Variants in STAC observed in about 807,000 individuals in gnomAD.
STAC encodes SH3 and cysteine-rich domain-containing protein.
In STAC, 43 loss-of-function variants were observed where a neutral mutation model predicts 48.8. That is an observed-to-expected ratio of 0.88 (90% CI 0.69 to 1.14). The LOEUF (loss-of-function observed/expected upper bound fraction) is 1.14, where lower values mean the gene tolerates loss of function less well. Among genes scored for constraint, STAC ranks in the 50% most tolerant of loss-of-function variants. The probability of loss-of-function intolerance (pLI) is 0.00; values close to 1 mark genes in which losing one functional copy is unlikely to be tolerated. For missense variants in STAC, 497 were observed against 504.0 expected (o/e 0.99, Z 0.13); for synonymous variants, 193 against 179.5 (o/e 1.07, Z -0.60).
chr3:36,478,164 C>A (rs1264721750), intron 2 of STAC, among the ~76,000 whole-genome samples: 1 of 152,190 alleles, frequency 6.6e-6, no homozygotes, highest in Non-Finnish European at 1.5e-5. Flanking sequence ...ACATCTCCAG[C>A]AACACCCTTT....
intron 2 of STAC, among the ~76,000 whole-genome samples, chr3:36,452,386 G>A (rs1164444914): frequency 6.6e-6 from 1 of 152,178 alleles, no homozygotes; most frequent in African/African-American, 2.4e-5. Context: ...AAGGGGTAAA[G>A]GAGACAGGTT....
At chr3:36,506,167 C>T (rs111388302) in intron 8 of STAC, 308 of 179,756 alleles carry the variant, frequency 1.7e-3, no homozygotes, top group African/African-American at 6.5e-3. Flanking sequence ...GAAGGTTGAA[C>T]GTTAAATGCA....
At chr3:36,470,571 ACATCAGCTTT>A in intron 2 of STAC, among the ~76,000 whole-genome samples, 1 of 152,232 alleles carries the variant, frequency 6.6e-6, no homozygotes, top group Non-Finnish European at 1.5e-5. Flanking sequence ...CTTCAAGAGC[ACATCAGCTTT>A]CATCAGTTTT....
intron 1 of STAC, among the ~76,000 whole-genome samples, chr3:36,385,563 T>A (rs1699598657): frequency 1.4e-5 from 2 of 144,112 alleles, no homozygotes; most frequent in Non-Finnish European, 3.1e-5. Flanking sequence ...TATAGCTTGA[T>A]GAATTTTCAA....
chr3:36,380,737 A>C lies in STAC; in HGVS notation c.94A>C (p.Ser32Arg). 1 of 1,611,466 alleles carries C rather than the reference A, an allele frequency of 6.2e-7. No individual in the cohort carries two copies. The highest frequency in any genetic ancestry group is 1.7e-5 in the Admixed American group (1 of 59,870). The change falls in exon 1 of 11, where the codon AGC becomes CGC. Residue 32 changes from serine (S) to arginine (R), a missense_variant. Coordinates refer to ENST00000273183, the MANE Select transcript of STAC (RefSeq NM_003149.3). Reference protein sequence around the residue: ...AEQPPSPASTSSQESKLQKLK... With the variant: ...AEQPPSPASTRSQESKLQKLK... The stretch of plus-strand genomic sequence containing the variant: ...GCAACCGCCCTCTCCTGCATCCACC[A>C]GCAGCCAGGAATCCAAGGTACCGAG...
chr3:36,530,652 A>C (rs1699043761), intron 10 of STAC, among the ~76,000 whole-genome samples: 2 of 126,350 alleles, frequency 1.6e-5, no homozygotes, highest in Non-Finnish European at 3.1e-5. Flanking sequence ...CTGGAGTGCA[A>C]TGGCACAATC....
intron 2 of STAC, among the ~76,000 whole-genome samples, chr3:36,449,699 A>G (rs1229965530): frequency 1.3e-5 from 2 of 152,238 alleles, no homozygotes; most frequent in East Asian, 3.9e-4. Flanking sequence ...TCCAGCAAAG[A>G]TTGAGCAAAA....
At chr3:36,426,760 T>C (rs1700574181) in intron 1 of STAC, among the ~76,000 whole-genome samples, 1 of 152,222 alleles carries the variant, frequency 6.6e-6, no homozygotes, top group Admixed American at 6.5e-5. Context: ...CACTAGTTTA[T>C]TAAGTGGGCT....
chr3:36,394,109 T>A (rs1226635056), intron 1 of STAC, among the ~76,000 whole-genome samples: 1 of 152,090 alleles, frequency 6.6e-6, no homozygotes, highest in Non-Finnish European at 1.5e-5. Flanking sequence ...TACAGACACC[T>A]AAACTCACCT....
intron 10 of STAC, among the ~76,000 whole-genome samples, chr3:36,545,812 T>C (rs1699431365): frequency 6.6e-6 from 1 of 152,182 alleles, no homozygotes; most frequent in Non-Finnish European, 1.5e-5. Flanking sequence ...AGCTATTATT[T>C]TGGTCCTTTA....
chr3:36,437,675 C>T (rs1313137866), intron 1 of STAC, among the ~76,000 whole-genome samples: 3 of 148,756 alleles, frequency 2.0e-5, no homozygotes, highest in East Asian at 4.0e-4. Flanking sequence ...ATACCTAATG[C>T]TAAATGACGA....
At chr3:36,473,865 T>C (rs1697414185) in intron 2 of STAC, among the ~76,000 whole-genome samples, 1 of 152,216 alleles carries the variant, frequency 6.6e-6, no homozygotes, top group African/African-American at 2.4e-5. Context: ...AACATTGTTT[T>C]TATTAAATAA....
chr3:36,434,870 C>A (rs1700791995), intron 1 of STAC, among the ~76,000 whole-genome samples: 1 of 152,218 alleles, frequency 6.6e-6, no homozygotes, highest in Non-Finnish European at 1.5e-5. Flanking sequence ...AGTAGTGTTG[C>A]TCAACCTGGC....
rs1012898105 is a variant in STAC at position 36,484,895 on chromosome 3, T to A, written c.490-82T>A. On this transcript the variant is annotated intron_variant, in intron 3 of 10. Coordinates refer to ENST00000273183, the MANE Select transcript of STAC (RefSeq NM_003149.3). ...AGGAGGGTGCTCCTGGAGAAACCAA[T>A]TGGTTTTATTTAGGGAGCTCTTGTA... 6.3e-5 allele frequency: 70 copies of A among 1,106,006 alleles called. No homozygotes were observed. The African/African-American group carries it at 1.0e-3, about 17-fold the overall frequency. The allele number at this position is 1,106,006 out of a possible 1,614,324, so 68.5% of individuals were successfully genotyped here. A position where few individuals can be genotyped will look rare whatever the true frequency, so the allele number is the denominator to read the frequency against.
intron 5 of STAC, among the ~76,000 whole-genome samples, chr3:36,488,589 C>T (rs1697879591): frequency 6.7e-6 from 1 of 148,338 alleles, no homozygotes. Context: ...TAGGTATTTC[C>T]TCTTGCCCAA....
At chr3:36,530,291 C>G (rs1346447054) in intron 10 of STAC, among the ~76,000 whole-genome samples, 1 of 152,050 alleles carries the variant, frequency 6.6e-6, no homozygotes, top group Admixed American at 6.6e-5. Flanking sequence ...TGATAAGGCT[C>G]GCCCTACAAG....
rs552127347 is a variant in STAC at position 36,483,217 on chromosome 3, C to T, written c.489+125C>T. ...AGCAAAGCACCCCAGAACTGGCTGC[C>T]AGCTTGGCTTCCTAATTGGCGTAAT... On this transcript the variant is annotated intron_variant, in intron 3 of 10. Coordinates refer to ENST00000273183, the MANE Select transcript of STAC (RefSeq NM_003149.3). 6.1e-6 allele frequency: 4 copies of T among 657,168 alleles called. No individual in the cohort carries two copies. In the East Asian group the frequency reaches 1.2e-4, roughly 19 times the overall value. The allele number at this position is 657,168 out of a possible 1,614,324, so 40.7% of individuals were successfully genotyped here.
intron 1 of STAC, among the ~76,000 whole-genome samples, chr3:36,398,883 C>A (rs749197930): frequency 5.3e-5 from 8 of 152,060 alleles, no homozygotes; most frequent in Admixed American, 1.3e-4. Flanking sequence ...TAGTTGAGGT[C>A]TCTAAAAAGC....
chr3:36,516,260 G>A (rs1223644818), intron 8 of STAC, among the ~76,000 whole-genome samples: 1 of 151,850 alleles, frequency 6.6e-6, no homozygotes, highest in African/African-American at 2.4e-5. Flanking sequence ...GGTATTACAG[G>A]CGCGAACCAC....
Sources: gnomAD v4.1 joint callset for allele counts (sites outside exome capture counted in the v4.1 genomes callset) on GRCh38, gnomAD v4.1.1 for gene constraint, MANE v1.5 for transcripts, NCBI Gene and HGNC (gene_info 2026-07-23, HGNC 2026-07-21) for gene names.